Variants in FCAMR observed in about 807,000 individuals in gnomAD.
FCAMR encodes Fc alpha and mu receptor.
In FCAMR, 51 loss-of-function variants were observed where a neutral mutation model predicts 52.2. The ratio of observed to expected loss-of-function variants is 0.98; its 90% CI spans 0.78 to 1.23. The LOEUF is 1.23. Ranked by LOEUF, FCAMR falls within the 50% of genes most tolerant of loss-of-function variation. FCAMR has a pLI of 0.00. For synonymous variants in FCAMR, 282 were observed against 262.0 expected (o/e 1.08, Z -0.74); for missense variants, 719 against 712.6 (o/e 1.01, Z -0.10).
rs931959074 is a variant in FCAMR, at chr1:206,965,581, A to C, written c.313+134T>G. On this transcript the variant is annotated intron_variant, in intron 4 of 7. Transcript: ENST00000324852. Reference sequence around the variant, plus strand: ...GGCTCTCATCCCCTCATTGTTACTCAGCAATTGTCTATTGCTATGGCTTCC... The same window carrying C: ...GGCTCTCATCCCCTCATTGTTACTCCGCAATTGTCTATTGCTATGGCTTCC... 8 of 1,116,260 alleles carry C rather than the reference A, an allele frequency of 7.2e-6. No homozygotes were observed. In the African/African-American group the frequency reaches 1.3e-4, roughly 18 times the overall value. The allele number at this position is 1,116,260 out of a possible 1,614,324, so 69.1% of individuals were successfully genotyped here.
At position 206,962,253 on chromosome 1, in the gene FCAMR, G is replaced by A; in HGVS notation, c.612C>T (p.Asn204=). The change falls in exon 5 of 8, where the codon AAC becomes AAT. Residue 204 remains asparagine (N), a synonymous_variant. Transcript: ENST00000324852. The part of the protein sequence containing the change: ...GCYLCGIGSE[N]NMLFLSMNLT... ...GATTCATGCTTAAGAACAGCATGTTGTTTTCACTTCCAATGCCGCAGAGGT... is the reference window on the plus strand; with the variant it reads ...GATTCATGCTTAAGAACAGCATGTTATTTTCACTTCCAATGCCGCAGAGGT... 2 of 1,614,158 alleles carry A rather than the reference G, an allele frequency of 1.2e-6. No individual in the cohort carries two copies. The highest frequency in any genetic ancestry group is 1.7e-6 in the Non-Finnish European group (2 of 1,180,026).
chr1:206,960,168 A>T (rs772667238), intron 6 of FCAMR: 1 of 527,738 alleles, frequency 1.9e-6, no homozygotes, highest in Non-Finnish European at 3.3e-6. Context: ...CTTTAAAAAC[A>T]GAAAGTCCTA....
At chr1:206,968,448 T>C (rs574835020) in intron 1 of FCAMR, among the ~76,000 whole-genome samples, 85 of 152,390 alleles carry the variant, frequency 5.6e-4, no homozygotes, top group African/African-American at 2.0e-3. Context: ...TGAATCTATC[T>C]ATTGCTTCTG....
At chr1:206,965,647 G>A (rs1680673180) in intron 4 of FCAMR, 68 bp downstream of exon 4, 1 of 1,491,228 alleles carries the variant, frequency 6.7e-7, no homozygotes, top group African/African-American at 1.4e-5. Context: ...TAGGGAGCCT[G>A]ACTTGGTCTG....
chr1:206,970,287 G>C lies in FCAMR; in HGVS notation c.-162C>G. The C allele has an allele frequency of 1.5e-6, 1 of 666,498 alleles. No homozygotes were observed. Among genetic ancestry groups the C allele is most frequent in the Non-Finnish European group, 2.6e-6 (1 of 391,658 alleles). The allele number at this position is 666,498 out of a possible 1,614,324, so 41.3% of individuals were successfully genotyped here. On this transcript the variant is annotated 5_prime_UTR_variant, in exon 1 of 8. Coordinates refer to ENST00000324852, the MANE Select transcript of FCAMR (RefSeq NM_001170631.2). Reference sequence around the variant, plus strand: ...GCAACGGAAGGTCGGGGTGCAAGGCGTAGCTCTGCCACTCACCTCAAGTCA... The same window carrying C: ...GCAACGGAAGGTCGGGGTGCAAGGCCTAGCTCTGCCACTCACCTCAAGTCA...
Position 206,970,264 on chromosome 1 carries a change from A to G in FCAMR, c.-139T>C, listed in dbSNP as rs1680886097. On this transcript the variant is annotated 5_prime_UTR_variant, in exon 1 of 8. Transcript: ENST00000324852. ...ATTTTGGAAAGCAGCTGGAGCTAGC[A>G]ACGGAAGGTCGGGGTGCAAGGCGTA... The G allele has an allele frequency of 4.3e-6, 4 of 925,292 alleles. No individual in the cohort carries two copies. The South Asian group carries it at 4.8e-5, about 11-fold the overall frequency. The allele number at this position is 925,292 out of a possible 1,614,324, so 57.3% of individuals were successfully genotyped here. A position where few individuals can be genotyped will look rare whatever the true frequency, so the allele number is the denominator to read the frequency against.
chr1:206,965,025 T>C (rs921984819), intron 4 of FCAMR, among the ~76,000 whole-genome samples: 1 of 152,194 alleles, frequency 6.6e-6, no homozygotes, highest in East Asian at 1.9e-4. Context: ...GTTATGTCTG[T>C]GCTGATACTC....
chr1:206,959,800 A>C lies in FCAMR; in HGVS notation c.1455-3T>G. Reference sequence around the variant, plus strand: ...TGCTTTCATCTTCTGGAAAAGTACTACAGTGGGGGTGGAAAGAGCACAGGG... The same window carrying C: ...TGCTTTCATCTTCTGGAAAAGTACTCCAGTGGGGGTGGAAAGAGCACAGGG... On this transcript the variant is annotated splice_region_variant and splice_polypyrimidine_tract_variant and intron_variant, in intron 6 of 7. Transcript: ENST00000324852. 6.2e-7 allele frequency: 1 copy of C among 1,610,330 alleles called. No homozygotes were observed. Among genetic ancestry groups the C allele is most frequent in the Non-Finnish European group, 8.5e-7 (1 of 1,176,574 alleles).
Position 206,962,385 on chromosome 1 carries a change from C to T in FCAMR, c.480G>A (p.Gln160=). 6.2e-7 allele frequency: 1 copy of T among 1,614,184 alleles called. No homozygotes were observed. The highest frequency in any genetic ancestry group is 1.3e-5 in the African/African-American group (1 of 75,044). Residue 160 remains glutamine (Q), a synonymous_variant, in exon 5 of 8, where the codon CAG becomes CAA. Transcript: ENST00000324852. ...WICQTIVSTN[Q]YTHHRYRDRV... ...GGTCACGATAGCGATGGTGAGTATA[C>T]TGGTTGGTGGACACAATGGTCTGGC...
In FCAMR at chr1:206,962,296, G is replaced by C. The variant is rs754536090; in HGVS notation, c.569C>G (p.Pro190Arg). 6.2e-7 allele frequency: 1 copy of C among 1,614,178 alleles called. No individual in the cohort carries two copies. The highest frequency in any genetic ancestry group is 1.1e-5 in the South Asian group (1 of 91,082). The change falls in exon 5 of 8, where the codon CCG becomes CGG. Residue 190 changes from proline to arginine, a missense_variant. Pro to Arg is a moderately radical substitution (Grantham distance 103, BLOSUM62 -2). Transcript: ENST00000324852. Reference protein sequence around the residue: ...LFVVRLSQLSPDDIGCYLCGI... With the variant: ...LFVVRLSQLSRDDIGCYLCGI... ...GCAGAGGTAGCATCCGATGTCATCC[G>C]GGGACAGTTGGGACAGCCTCACCAC... is the stretch of plus-strand genomic sequence containing the variant.
intron 4 of FCAMR, 114 bp from the exon 5 acceptor site, chr1:206,962,665 G>T: frequency 1.2e-6 from 1 of 813,430 alleles, no homozygotes; most frequent in Non-Finnish European, 1.9e-6. Context: ...AAATACCACT[G>T]TGAACATGGA....
In FCAMR at chr1:206,958,371, G is replaced by T; in HGVS notation, c.*145C>A. 1.1e-6 allele frequency: 1 copy of T among 920,750 alleles called. No homozygotes were observed. Among genetic ancestry groups the T allele is most frequent in the East Asian group, 2.7e-5 (1 of 37,508 alleles). 57.0% of individuals were successfully genotyped at this position (920,750 alleles called of 1,614,324 possible). A position where few individuals can be genotyped will look rare whatever the true frequency, so the allele number is the denominator to read the frequency against. ...ACTTTCTTGGGCCCAAGGACAGCCAGCCTTTCTTCCATGGGTGGAGCACCG... is the reference window on the plus strand; with the variant it reads ...ACTTTCTTGGGCCCAAGGACAGCCATCCTTTCTTCCATGGGTGGAGCACCG... On this transcript the variant is annotated 3_prime_UTR_variant, in exon 8 of 8. Coordinates refer to ENST00000324852, the MANE Select transcript of FCAMR (RefSeq NM_001170631.2).
At chr1:206,963,914 C>T (rs1680606985) in intron 4 of FCAMR, among the ~76,000 whole-genome samples, 1 of 152,230 alleles carries the variant, frequency 6.6e-6, no homozygotes, top group Non-Finnish European at 1.5e-5. Context: ...AAGCCTATGA[C>T]TTCTGGCTAT....
chr1:206,965,775 C>A lies in FCAMR; in HGVS notation c.253G>T (p.Ala85Ser), dbSNP rs1215474648. 3 of 1,581,870 alleles carry A rather than the reference C, an allele frequency of 1.9e-6. No individual in the cohort carries two copies. The highest frequency in any genetic ancestry group is 2.6e-6 in the Non-Finnish European group (3 of 1,168,400). The change falls in exon 4 of 8, where the codon GCC (alanine) becomes TCC (serine). Residue 85 changes from alanine (A) to serine (S), a missense_variant. Physicochemically the swap from Ala to Ser is moderately conservative, Grantham distance 99 (BLOSUM62 1). Transcript: ENST00000324852. The part of the protein sequence containing the change: ...GSLPSRTHLR[A>S]MGTLRPSSPL... ...GAGGAAGGCCTGAGTGTTCCCATGG[C>A]CCGGAGATGGGTCCTGGAGGGGAGA...
intron 4 of FCAMR, among the ~76,000 whole-genome samples, chr1:206,964,770 T>C (rs1680642652): frequency 6.6e-6 from 1 of 152,140 alleles, no homozygotes; most frequent in Non-Finnish European, 1.5e-5. Context: ...TATAGCACCG[T>C]AAAAATGGCC....
rs1680493628 is a variant in FCAMR at position 206,961,104 on chromosome 1, G to C, written c.772C>G (p.Gln258Glu). 1.3e-6 allele frequency: 2 copies of C among 1,551,722 alleles called. No homozygotes were observed. The highest frequency in any genetic ancestry group is 1.7e-6 in the Non-Finnish European group (2 of 1,147,048). The change falls in exon 6 of 8, where the codon CAG becomes GAG. Residue 258 changes from glutamine to glutamate, a missense_variant. Transcript: ENST00000324852. Reference protein sequence around the residue: ...WTPGTTQTLGQGTAWDTVAST... With the variant: ...WTPGTTQTLGEGTAWDTVAST... ...GCAACTGTGTCCCATGCTGTCCCCT[G>C]TCCTAAGGTCTGGGTGGTTCCTGGG...
chr1:206,961,020 C>T lies in FCAMR; in HGVS notation c.856G>A (p.Ala286Thr), dbSNP rs200461962. 2,373 of 1,551,928 alleles carry T rather than the reference C, an allele frequency of 1.5e-3. 4 individuals carry two copies. Among genetic ancestry groups the T allele is most frequent in the Admixed American group, 2.5e-3 (130 of 51,006 alleles). The change falls in exon 6 of 8, where the codon GCA (alanine) becomes ACA (threonine). Residue 286 changes from alanine to threonine, a missense_variant. Transcript: ENST00000324852. ...ASAEGRRTPG[A>T]TRPAAPGTGS... ...GTCCCTGGAGCTGCTGGCCTGGTTG[C>T]TCCTGGGGTTCGTCTTCCCTCAGCT...
chr1:206,959,652 A>G (rs372223033), intron 7 of FCAMR, 27 bp downstream of exon 7: 6 of 1,585,786 alleles, frequency 3.8e-6, no homozygotes, highest in Non-Finnish European at 5.2e-6. Context: ...GAACTCTTCT[A>G]TCTAGCCTTG....
Position 206,958,417 on chromosome 1 carries a change from C to T in FCAMR, c.*99G>A. ...CACCGGCTGCATCAGCTTCTCTTCCCACAGGTGGAGGAAGGATGATGGAAA... is the reference window on the plus strand; with the variant it reads ...CACCGGCTGCATCAGCTTCTCTTCCTACAGGTGGAGGAAGGATGATGGAAA... On this transcript the variant is annotated 3_prime_UTR_variant, in exon 8 of 8. Coordinates refer to ENST00000324852, the MANE Select transcript of FCAMR (RefSeq NM_001170631.2). 1 of 1,338,106 alleles carries T rather than the reference C, an allele frequency of 7.5e-7. No homozygotes were observed. Among genetic ancestry groups the T allele is most frequent in the South Asian group, 1.5e-5 (1 of 65,332 alleles). 82.9% of individuals were successfully genotyped at this position (1,338,106 alleles called of 1,614,324 possible). A position where few individuals can be genotyped will look rare whatever the true frequency, so the allele number is the denominator to read the frequency against.
Sources: gnomAD v4.1 joint callset for allele counts (sites outside exome capture counted in the v4.1 genomes callset) on GRCh38, gnomAD v4.1.1 for gene constraint, MANE v1.5 for transcripts, NCBI Gene and HGNC (gene_info 2026-07-23, HGNC 2026-07-21) for gene names.